Variants in TANGO6 observed in about 807,000 individuals in gnomAD.
The protein encoded by TANGO6 is transport and Golgi organization protein 6 homolog.
In TANGO6, 90 loss-of-function variants were observed where a neutral mutation model predicts 114.2. The observed-to-expected ratio is 0.79, with a 90% CI of 0.66 to 0.94. The LOEUF (loss-of-function observed/expected upper bound fraction) is 0.94, where lower values mean the gene tolerates loss of function less well. Ranked by LOEUF, TANGO6 falls within the 40% of genes least tolerant of loss-of-function variation. The pLI, the probability that TANGO6 is intolerant of heterozygous loss-of-function variation, is 0.00. For synonymous variants in TANGO6, 477 were observed against 509.8 expected, an observed-to-expected ratio of 0.94 and a Z score of 0.87; for missense variants, 1,274 against 1,315.3, an observed-to-expected ratio of 0.97 and a Z score of 0.49.
At chr16:68,874,397 C>T (rs111361890) in intron 4 of TANGO6, among the ~76,000 whole-genome samples, 5 of 152,290 alleles carry the variant, frequency 3.3e-5, no homozygotes, top group African/African-American at 1.2e-4. Flanking sequence ...GTGTCCTGGG[C>T]TGCCTGTTGT....
rs527952664 is a variant in TANGO6, at chr16:68,966,892, C to T, written c.2702-7136C>T. 3.9e-5 allele frequency among the ~76,000 whole-genome samples: 6 copies of T among 152,074 alleles called. No homozygotes were observed. The East Asian group carries it at 1.2e-3, about 29-fold the overall frequency. On this transcript the variant is annotated intron_variant, in intron 14 of 17. Coordinates refer to ENST00000261778, the MANE Select transcript of TANGO6 (RefSeq NM_024562.2). ...GTTCAAGCAATTTTCTTGCCTCAGC[C>T]TCCCAAGTAGCTGGGAATACACGTA... is the stretch of plus-strand genomic sequence containing the variant.
At position 68,927,808 on chromosome 16, in the gene TANGO6, G is replaced by A. The variant is rs761577807; in HGVS notation, c.2368G>A (p.Val790Ile). 3.1e-6 allele frequency: 5 copies of A among 1,613,860 alleles called. No homozygotes were observed. Among genetic ancestry groups the A allele is most frequent in the South Asian group, 2.2e-5 (2 of 91,086 alleles). Residue 790 changes from valine to isoleucine, a missense_variant, in exon 13 of 18, where the codon GTA (valine) becomes ATA (isoleucine). By Grantham distance (29) the Val-to-Ile change is conservative. This residue lies in a region of TANGO6 where 908 missense variants were observed against 910.2 expected (regional missense o/e 1.00). Coordinates refer to ENST00000261778, the MANE Select transcript of TANGO6 (RefSeq NM_024562.2). ...QQTSHERPTD[V>I]AHSHLEQQQS... The stretch of plus-strand genomic sequence containing the variant: ...AACCAGTCATGAAAGACCCACTGAT[G>A]TAGCTCATAGCCACCTTGAACAACA...
intron 15 of TANGO6, among the ~76,000 whole-genome samples, chr16:68,994,744 T>A (rs920317136): frequency 1.9e-4 from 28 of 149,446 alleles, no homozygotes; most frequent in African/African-American, 6.9e-4. Context: ...CCAGCTAATT[T>A]AAAAAAAAAA....
rs16942919 is a variant in TANGO6, at chr16:69,023,016, T to C, written c.2994+37T>C. On this transcript the variant is annotated intron_variant, in intron 16 of 17. Coordinates refer to ENST00000261778, the MANE Select transcript of TANGO6 (RefSeq NM_024562.2). ...TGATTCCTTTCTCTAAAGCGTGTTT[T>C]CACTTGGACCTACGATGCATCTTGA... 5,924 of 1,519,550 alleles carry C rather than the reference T, an allele frequency of 3.9e-3. 199 individuals are homozygous for C. In the African/African-American group the frequency reaches 0.07, roughly 18 times the overall value. The allele number at this position is 1,519,550 out of a possible 1,614,324, so 94.1% of individuals were successfully genotyped here. A position where few individuals can be genotyped will look rare whatever the true frequency, so the allele number is the denominator to read the frequency against.
intron 1 of TANGO6, among the ~76,000 whole-genome samples, chr16:68,849,607 C>G (rs1360169217): frequency 6.6e-6 from 1 of 151,682 alleles, no homozygotes; most frequent in Non-Finnish European, 1.5e-5. Flanking sequence ...GTGCAATGGA[C>G]TATGATTATA....
At chr16:69,043,283 A>AGTGT (rs57443398) in intron 17 of TANGO6, among the ~76,000 whole-genome samples, 8,498 of 146,668 alleles carry the variant, frequency 0.058, 278 homozygotes, top group Middle Eastern at 0.099. Flanking sequence ...AGACAGAGCG[A>AGTGT]GTGTGTGTGT....
rs144221311 is a variant in TANGO6 at position 68,878,309 on chromosome 16, TGC to T, written c.1294+30_1294+31del. ...AAGGAGGAAGTGTGGTGGCTGTGTG[TGC>T]CTCTAAAGGACCTTCTTCAGTATTT... On this transcript the variant is annotated intron_variant, in intron 6 of 17. Transcript: ENST00000261778. 4.7e-4 allele frequency: 744 copies of T among 1,569,714 alleles called. 6 individuals are homozygous for T. The East Asian group carries it at 0.016, about 34-fold the overall frequency.
At chr16:68,933,198 T>C (rs1406990120) in intron 14 of TANGO6, among the ~76,000 whole-genome samples, 3 of 152,210 alleles carry the variant, frequency 2.0e-5, no homozygotes, top group Non-Finnish European at 2.9e-5. Context: ...TTGGATCACC[T>C]GAAGTCAGGA....
chr16:69,078,979 G>C (rs970082925), intron 17 of TANGO6, among the ~76,000 whole-genome samples: 1 of 151,292 alleles, frequency 6.6e-6, no homozygotes, highest in Non-Finnish European at 1.5e-5. Context: ...CCTGAGCTCA[G>C]GTGATCTGCC....
intron 15 of TANGO6, among the ~76,000 whole-genome samples, chr16:69,011,251 AGGG>A (rs34785494): frequency 6.6e-6 from 1 of 152,112 alleles, no homozygotes; most frequent in Non-Finnish European, 1.5e-5. Flanking sequence ...CAAAAAGAAA[AGGG>A]GGGGCAGGAG....
At chr16:69,073,551 G>C (rs1190789460) in intron 17 of TANGO6, among the ~76,000 whole-genome samples, 2 of 152,198 alleles carry the variant, frequency 1.3e-5, no homozygotes, top group African/African-American at 2.4e-5. Flanking sequence ...TTGAATGAGT[G>C]AGTAATCATG....
chr16:68,963,167 G>C (rs1963611537), intron 14 of TANGO6, among the ~76,000 whole-genome samples: 2 of 150,846 alleles, frequency 1.3e-5, no homozygotes. Flanking sequence ...CCTCACCCAG[G>C]ATACAGTGCA....
chr16:68,845,472 A>G (rs1478182663), intron 1 of TANGO6, among the ~76,000 whole-genome samples: 1 of 152,198 alleles, frequency 6.6e-6, no homozygotes, highest in African/African-American at 2.4e-5. Context: ...AGTTCGTGAA[A>G]TTATATTATT....
intron 14 of TANGO6, among the ~76,000 whole-genome samples, chr16:68,960,886 G>A (rs145621831): frequency 4.3e-4 from 66 of 152,328 alleles, no homozygotes; most frequent in African/African-American, 1.6e-3. Flanking sequence ...ATGTTGTGGA[G>A]TGGAGGTGTT....
chr16:68,859,596 A>G (rs1427227864), intron 1 of TANGO6, among the ~76,000 whole-genome samples: 1 of 152,218 alleles, frequency 6.6e-6, no homozygotes, highest in Non-Finnish European at 1.5e-5. Flanking sequence ...CAGTAAGATG[A>G]TTAAGACCTG....
Position 68,982,749 on chromosome 16 carries a change from G to A in TANGO6, c.2842+8581G>A, listed in dbSNP as rs562326385. On this transcript the variant is annotated intron_variant, in intron 15 of 17. Coordinates refer to ENST00000261778, the MANE Select transcript of TANGO6 (RefSeq NM_024562.2). ...GGCCTCCCAAAGTGTTGGGATTACA[G>A]GCATGAGCCACGGTGCCCAGTCCTC... Among the ~76,000 whole-genome samples the A allele has an allele frequency of 8.6e-5, 13 of 150,584 alleles. No individual in the cohort carries two copies. The South Asian group carries it at 2.7e-3, about 32-fold the overall frequency.
rs544457576 is a variant in TANGO6, at chr16:68,932,785, G to A, written c.2701+2490G>A. Among the ~76,000 whole-genome samples, 5 of 151,012 alleles carry A rather than the reference G, an allele frequency of 3.3e-5. No individual in the cohort carries two copies. The East Asian group carries it at 9.8e-4, about 30-fold the overall frequency. On this transcript the variant is annotated intron_variant, in intron 14 of 17. Coordinates refer to ENST00000261778, the MANE Select transcript of TANGO6 (RefSeq NM_024562.2). Reference sequence around the variant, plus strand: ...AGCTTGGGCAACAGAGTGAGACTCCGTCTCAGAAAAAAAGAAAAAAAAAGG... The same window carrying A: ...AGCTTGGGCAACAGAGTGAGACTCCATCTCAGAAAAAAAGAAAAAAAAAGG...
chr16:68,951,839 C>T (rs1274878147), intron 14 of TANGO6, among the ~76,000 whole-genome samples: 1 of 152,134 alleles, frequency 6.6e-6, no homozygotes, highest in African/African-American at 2.4e-5. Context: ...GTCTCGATCT[C>T]CTGACCTTGT....
chr16:68,967,735 T>C (rs1380787727), intron 14 of TANGO6, among the ~76,000 whole-genome samples: 1 of 152,152 alleles, frequency 6.6e-6, no homozygotes, highest in Non-Finnish European at 1.5e-5. Context: ...CTGTGGGTAT[T>C]TTGGGAAGTT....
Sources: allele counts gnomAD v4.1 joint callset (sites outside exome capture counted in the v4.1 genomes callset), GRCh38; gene constraint gnomAD v4.1.1; regional missense constraint gnomAD v4.1.1; transcripts MANE v1.5; gene names NCBI Gene and HGNC (gene_info 2026-07-23, HGNC 2026-07-21).